MGAT4A: variants seen among roughly 807,000 people sequenced by gnomAD.
MGAT4A encodes the protein alpha-1,3-mannosyl-glycoprotein 4-beta-N-acetylglucosaminyltransferase A, also known as N-acetylglucosaminyltransferase IVa.
Under a neutral mutation model 74.1 loss-of-function variants are expected in MGAT4A, and 33 were observed. The ratio of observed to expected loss-of-function variants is 0.45; its 90% confidence interval spans 0.34 to 0.60. The LOEUF is 0.60. Among genes scored for constraint, MGAT4A ranks in the 20% least tolerant of loss-of-function variants. The pLI, the probability that MGAT4A is intolerant of heterozygous loss-of-function variation, is 0.02. For missense variants in MGAT4A, 479 were observed against 628.3 expected (o/e 0.76, Z 2.54); for synonymous variants, 198 against 210.4 (o/e 0.94, Z 0.51).
chr2:98,720,623 AGTGTGTGT>A lies in MGAT4A; in HGVS notation c.94+5608_94+5615del, dbSNP rs57302536. Among the ~76,000 whole-genome samples the A allele has an allele frequency of 1.1e-3, 165 of 150,884 alleles. 1 individual carries two copies. The South Asian group carries it at 0.021, about 20-fold the overall frequency. On this transcript the variant is annotated intron_variant, in intron 2 of 15. Transcript: ENST00000393487. ...TTGTGTGTGCGTGCACATGTGTTTGAGTGTGTGTGTGTGTGTGTGTGTGTTCTGTTTCT... is the reference window on the plus strand; with the variant it reads ...TTGTGTGTGCGTGCACATGTGTTTGAGTGTGTGTGTGTGTGTTCTGTTTCT...
chr2:98,635,029 GAC>G (rs767032114), intron 14 of MGAT4A, among the ~76,000 whole-genome samples, 191 bp downstream of exon 14: 20 of 152,100 alleles, frequency 1.3e-4, no homozygotes, highest in Non-Finnish European at 2.6e-4. Context: ...GAGCGAGAAA[GAC>G]AGCCCAATCT....
intron 8 of MGAT4A, among the ~76,000 whole-genome samples, chr2:98,654,801 T>C (rs915045109): frequency 6.6e-6 from 1 of 152,062 alleles, no homozygotes; most frequent in Non-Finnish European, 1.5e-5. Context: ...AAAATCCTCC[T>C]CAAATTTACA....
chr2:98,704,160 G>C (rs565798996), intron 2 of MGAT4A, among the ~76,000 whole-genome samples: 12 of 152,158 alleles, frequency 7.9e-5, no homozygotes, highest in Non-Finnish European at 1.8e-4. Context: ...TAAACACTAG[G>C]TGAATGAATA....
At chr2:98,689,722 C>G (rs1353210149) in intron 2 of MGAT4A, among the ~76,000 whole-genome samples, 1 of 152,136 alleles carries the variant, frequency 6.6e-6, no homozygotes, top group Non-Finnish European at 1.5e-5. Context: ...ACTCGGGAGG[C>G]TGAGGTGGGA....
Position 98,624,394 on chromosome 2 carries a change from A to G in MGAT4A, c.*1172T>C. 1.1e-6 allele frequency: 1 copy of G among 951,890 alleles called. No individual in the cohort carries two copies. The highest frequency in any genetic ancestry group is 1.2e-4 in the East Asian group (1 of 8,622). The allele number at this position is 951,890 out of a possible 1,614,324, so 59.0% of individuals were successfully genotyped here. A position where few individuals can be genotyped will look rare whatever the true frequency, so the allele number is the denominator to read the frequency against. On this transcript the variant is annotated 3_prime_UTR_variant, in exon 16 of 16. Transcript: ENST00000393487. The stretch of plus-strand genomic sequence containing the variant: ...AATATTCTTTGTTTATAGTAGTAAT[A>G]TCATTTGGAATAGCGTGTTTAAGAG...
chr2:98,722,693 T>C (rs1301056380), intron 2 of MGAT4A, among the ~76,000 whole-genome samples: 2 of 152,224 alleles, frequency 1.3e-5, no homozygotes, highest in Non-Finnish European at 2.9e-5. Context: ...AATTGTATAG[T>C]ATGTAAATTA....
At chr2:98,680,242 C>T (rs1220421374) in intron 2 of MGAT4A, among the ~76,000 whole-genome samples, 1 of 152,070 alleles carries the variant, frequency 6.6e-6, no homozygotes, top group Non-Finnish European at 1.5e-5. Context: ...TGGGGTTTCA[C>T]CATGTTGGTC....
chr2:98,699,794 T>C (rs755681339), intron 2 of MGAT4A, among the ~76,000 whole-genome samples: 1 of 152,134 alleles, frequency 6.6e-6, no homozygotes, highest in Non-Finnish European at 1.5e-5. Flanking sequence ...GGGAGACACA[T>C]ATGTAGTACT....
intron 2 of MGAT4A, among the ~76,000 whole-genome samples, chr2:98,711,510 G>A (rs2104325611): frequency 6.6e-6 from 1 of 152,000 alleles, no homozygotes; most frequent in South Asian, 2.1e-4. Flanking sequence ...AGAAATTAAT[G>A]AAAAAGCCCA....
chr2:98,672,112 A>G (rs1056333438), intron 4 of MGAT4A, among the ~76,000 whole-genome samples: 1 of 152,168 alleles, frequency 6.6e-6, no homozygotes, highest in South Asian at 2.1e-4. Flanking sequence ...TTACAACAGC[A>G]ATAGAACACC....
At chr2:98,727,125 A>C (rs1053377982) in intron 1 of MGAT4A, among the ~76,000 whole-genome samples, 1 of 152,210 alleles carries the variant, frequency 6.6e-6, no homozygotes, top group African/African-American at 2.4e-5. Flanking sequence ...ATATTGTCAT[A>C]AATTATTAAA....
At chr2:98,652,040 CTAA>C (rs1486454882) in intron 8 of MGAT4A, among the ~76,000 whole-genome samples, 1 of 152,100 alleles carries the variant, frequency 6.6e-6, no homozygotes. Context: ...AAAGATGCAC[CTAA>C]TAATAGAGGT....
intron 2 of MGAT4A, among the ~76,000 whole-genome samples, chr2:98,683,079 C>T (rs1702084583): frequency 6.6e-6 from 1 of 150,850 alleles, no homozygotes; most frequent in Admixed American, 6.6e-5. Flanking sequence ...CAGAGCGAGA[C>T]TCCGTCTAAA....
chr2:98,639,480 A>G (rs1701372327), intron 12 of MGAT4A, among the ~76,000 whole-genome samples: 1 of 152,096 alleles, frequency 6.6e-6, no homozygotes, highest in Non-Finnish European at 1.5e-5. Context: ...CTCCAGATCA[A>G]TTTTCAAGGG....
intron 2 of MGAT4A, among the ~76,000 whole-genome samples, chr2:98,686,509 T>C (rs1262297276): frequency 7.9e-5 from 12 of 151,844 alleles, no homozygotes; most frequent in Admixed American, 7.9e-4. Context: ...CAAACGATGC[T>C]GCATGTACCT....
intron 12 of MGAT4A, among the ~76,000 whole-genome samples, chr2:98,636,914 T>C (rs1355538788): frequency 1.3e-5 from 2 of 152,206 alleles, no homozygotes; most frequent in African/African-American, 4.8e-5. Context: ...GCTTTAAATA[T>C]TTAACCCTCT....
In MGAT4A at chr2:98,639,913, T is replaced by C. The variant is rs1476704960; in HGVS notation, c.1217A>G (p.His406Arg). ...TCCCATGTAAGTTTTCTCCAGCGTA[T>C]GCCCTTGGTAGACCTTCAAGGAAGT... ...VSTSLKVYQG[H>R]TLEKTYMGED... The change falls in exon 12 of 16, where the codon CAT (histidine) becomes CGT (arginine). Residue 406 changes from histidine (H) to arginine (R), a missense_variant. Physicochemically the swap from His to Arg is conservative, Grantham distance 29. This residue lies in a region of MGAT4A where 236 missense variants were observed against 308.2 expected (regional missense o/e 0.77). Coordinates refer to ENST00000393487, the MANE Select transcript of MGAT4A (RefSeq NM_012214.3). 6.6e-5 allele frequency: 107 copies of C among 1,614,066 alleles called. No individual in the cohort carries two copies. The Admixed American group carries it at 1.6e-3, about 25-fold the overall frequency.
chr2:98,653,289 T>C (rs1437969812), intron 8 of MGAT4A, among the ~76,000 whole-genome samples: 1 of 97,794 alleles, frequency 1.0e-5, no homozygotes, highest in Admixed American at 1.0e-4. Context: ...AACCCAAAAT[T>C]AGCAGAAGGG....
intron 9 of MGAT4A, 48 bp from the exon 10 acceptor site, chr2:98,644,101 C>A: frequency 6.7e-7 from 1 of 1,501,358 alleles, no homozygotes; most frequent in South Asian, 1.3e-5. Flanking sequence ...AACCAAGCAC[C>A]AAAATGGCTT....
Sources: gnomAD v4.1 joint callset for allele counts (sites outside exome capture counted in the v4.1 genomes callset) on GRCh38, gnomAD v4.1.1 for gene constraint, gnomAD v4.1.1 regional missense constraint, MANE v1.5 for transcripts, NCBI Gene and HGNC (gene_info 2026-07-23, HGNC 2026-07-21) for gene names.